The following AIF1L variants were observed in gnomAD, a reference collection of about 807,000 sequenced individuals.
AIF1L encodes the protein allograft inflammatory factor 1 like.
In AIF1L, 12 loss-of-function variants were observed where a neutral mutation model predicts 20.7. The observed-to-expected ratio is 0.58, with a 90% CI of 0.37 to 0.94. The LOEUF (loss-of-function observed/expected upper bound fraction) is 0.94, where lower values mean the gene tolerates loss of function less well. AIF1L is among the 40% of genes least tolerant of loss of function. The pLI is 0.01. For synonymous variants in AIF1L, 76 were observed against 65.1 expected (o/e 1.17, Z -0.81); for missense variants, 173 against 185.3 (o/e 0.93, Z 0.39).
Position 131,121,910 on chromosome 9 carries a change from C to T in AIF1L, c.*1588C>T, listed in dbSNP as rs1441143814. Reference sequence around the variant, plus strand: ...TAACCCCACCTGTGTTCTGAAGTCTCTTACCCTACCTGCTCAGGACTGAGA... The same window carrying T: ...TAACCCCACCTGTGTTCTGAAGTCTTTTACCCTACCTGCTCAGGACTGAGA... On this transcript the variant is annotated 3_prime_UTR_variant, in exon 6 of 6. Transcript: ENST00000247291. The T allele has an allele frequency of 6.6e-6, 1 of 152,264 alleles. No homozygotes were observed. The highest frequency in any genetic ancestry group is 2.4e-5 in the African/African-American group (1 of 41,464). The allele number at this position is 152,264 out of a possible 1,614,324, so 9.4% of individuals were successfully genotyped here. A position where few individuals can be genotyped will look rare whatever the true frequency, so the allele number is the denominator to read the frequency against.
rs879783111 is a variant in AIF1L, at chr9:131,122,303, C to G, written c.*1981C>G. On this transcript the variant is annotated 3_prime_UTR_variant, in exon 6 of 6. Transcript: ENST00000247291. ...AGGAAATGGCCAGGTTGGGTTAACC[C>G]ACTGGTTTCAACCAGTTCAGGAATG... 4.7e-4 allele frequency: 72 copies of G among 152,676 alleles called. 2 individuals are homozygous for G. Among genetic ancestry groups the G allele is most frequent in the Admixed American group, 4.4e-3 (68 of 15,292 alleles). 9.5% of individuals were successfully genotyped at this position (152,676 alleles called of 1,614,324 possible).
chr9:131,122,737 AG>A lies in AIF1L; in HGVS notation c.*2418del. ...CCAGCTTCTGGAAATGGCAGAAGAG[AG>A]GGTTTTCTCATTGAATGGGGGTGGG... On this transcript the variant is annotated 3_prime_UTR_variant, in exon 6 of 6. Coordinates refer to ENST00000247291, the MANE Select transcript of AIF1L (RefSeq NM_031426.4). The A allele has an allele frequency of 6.6e-6, 1 of 152,326 alleles. No homozygotes were observed. Among genetic ancestry groups the A allele is most frequent in the South Asian group, 2.1e-4 (1 of 4,818 alleles). 9.4% of individuals were successfully genotyped at this position (152,326 alleles called of 1,614,324 possible).
At chr9:131,111,768 T>A (rs1159162269) in intron 3 of AIF1L, 105 bp downstream of exon 3, 1 of 1,171,078 alleles carries the variant, frequency 8.5e-7, no homozygotes, top group Non-Finnish European at 1.2e-6. Flanking sequence ...GCTGTGGCCC[T>A]GTTTTGTCCA....
chr9:131,117,646 T>G, intron 4 of AIF1L, 110 bp from the exon 5 acceptor site: 3 of 1,172,894 alleles, frequency 2.6e-6, no homozygotes, highest in Non-Finnish European at 3.6e-6. Flanking sequence ...AGAGAAGGAG[T>G]GCAGACGCCA....
intron 2 of AIF1L, among the ~76,000 whole-genome samples, chr9:131,107,149 A>C (rs1443311693): frequency 2.6e-5 from 4 of 152,184 alleles, no homozygotes; most frequent in African/African-American, 7.2e-5. Context: ...AAAGGCTTGA[A>C]GTTGGTGAGG....
chr9:131,111,300 C>T (rs1830876772), intron 2 of AIF1L: 1 of 337,248 alleles, frequency 3.0e-6, no homozygotes, highest in Admixed American at 4.4e-5. Context: ...GCTGGGGTGT[C>T]TTGGGGGAGG....
chr9:131,098,072 C>G (rs188752455), intron 2 of AIF1L: 176 of 152,924 alleles, frequency 1.2e-3, no homozygotes, highest in Non-Finnish European at 2.2e-3. Context: ...CTGTGGGAGG[C>G]GGGTCCGAGC....
At chr9:131,100,294 G>A (rs964040715) in intron 2 of AIF1L, among the ~76,000 whole-genome samples, 1 of 152,198 alleles carries the variant, frequency 6.6e-6, no homozygotes, top group African/African-American at 2.4e-5. Flanking sequence ...GGAGGTGGGG[G>A]AGCCGCATGA....
chr9:131,111,502 A>AC, intron 2 of AIF1L, 95 bp from the exon 3 acceptor site: 1 of 1,138,508 alleles, frequency 8.8e-7, no homozygotes, highest in South Asian at 1.3e-5. Context: ...GCACCTGGTT[A>AC]CCCGATAGGA....
intron 2 of AIF1L, among the ~76,000 whole-genome samples, chr9:131,101,173 G>A (rs916240587): frequency 6.6e-6 from 1 of 152,124 alleles, no homozygotes; most frequent in African/African-American, 2.4e-5. Flanking sequence ...TGGGATTACA[G>A]GTGTGAACCA....
Position 131,102,721 on chromosome 9 carries a change from G to T in AIF1L, c.93+5858G>T, listed in dbSNP as rs534779076. 3.3e-5 allele frequency among the ~76,000 whole-genome samples: 5 copies of T among 152,368 alleles called. No individual in the cohort carries two copies. In the East Asian group the frequency reaches 7.7e-4, roughly 24 times the overall value. ...ATGTGAACCCGCTGTCCTTGTGGGT[G>T]CACATTACAGGCTTCTGCTACTCAC... is the stretch of plus-strand genomic sequence containing the variant. On this transcript the variant is annotated intron_variant, in intron 2 of 5. Transcript: ENST00000247291.
intron 2 of AIF1L, among the ~76,000 whole-genome samples, chr9:131,100,219 A>G (rs1191399467): frequency 6.6e-6 from 1 of 152,106 alleles, no homozygotes; most frequent in African/African-American, 2.4e-5. Flanking sequence ...AGCTATTGTT[A>G]TTATAAGGGA....
chr9:131,108,077 G>T (rs1014148290), intron 2 of AIF1L: 1 of 152,236 alleles, frequency 6.6e-6, no homozygotes. Flanking sequence ...GAGTGAGGCT[G>T]TGGCCAAGCC....
chr9:131,096,664 G>A lies in AIF1L; in HGVS notation c.31+4G>A, dbSNP rs1350160132. The A allele has an allele frequency of 6.8e-7, 1 of 1,478,412 alleles. No individual in the cohort carries two copies. Among genetic ancestry groups the A allele is most frequent in the East Asian group, 2.9e-5 (1 of 34,452 alleles). The allele number at this position is 1,478,412 out of a possible 1,614,324, so 91.6% of individuals were successfully genotyped here. A position where few individuals can be genotyped will look rare whatever the true frequency, so the allele number is the denominator to read the frequency against. ...GAGCTCAGCAACAGGTTCCAAGGTA[G>A]GCGCCGCCGTCCCCGAGCAGCCACC... On this transcript the variant is annotated splice_donor_region_variant and intron_variant, in intron 1 of 5. Transcript: ENST00000247291.
intron 4 of AIF1L, among the ~76,000 whole-genome samples, chr9:131,116,555 C>A (rs558935922): frequency 3.2e-4 from 48 of 152,304 alleles, no homozygotes; most frequent in African/African-American, 1.1e-3. Flanking sequence ...TGAGCCATGG[C>A]GCCAGCTGAT....
At chr9:131,106,250 G>A (rs1373117159) in intron 2 of AIF1L, 1 of 1,534,946 alleles carries the variant, frequency 6.5e-7, no homozygotes. Context: ...GCTGCTTGCT[G>A]GCTCTGCTGT....
At chr9:131,111,989 G>A (rs1236240009) in intron 3 of AIF1L, 3 of 345,320 alleles carry the variant, frequency 8.7e-6, no homozygotes, top group Non-Finnish European at 1.6e-5. Flanking sequence ...CCCGGGCCCC[G>A]CACACAATCA....
At chr9:131,108,532 A>G (rs1350725888) in intron 2 of AIF1L, among the ~76,000 whole-genome samples, 1 of 151,858 alleles carries the variant, frequency 6.6e-6, no homozygotes, top group African/African-American at 2.4e-5. Context: ...GTGGTATTTA[A>G]CCCCTCTCAT....
chr9:131,107,881 GTCC>G (rs980590197), intron 2 of AIF1L: 2 of 152,254 alleles, frequency 1.3e-5, no homozygotes, highest in Non-Finnish European at 2.9e-5. Flanking sequence ...AAAGTTAATT[GTCC>G]TCCTTTTGGG....
Sources: allele counts gnomAD v4.1 joint callset (sites outside exome capture counted in the v4.1 genomes callset), GRCh38; gene constraint gnomAD v4.1.1; transcripts MANE v1.5; gene names NCBI Gene and HGNC (gene_info 2026-07-23, HGNC 2026-07-21).